MTAP: variants seen among roughly 807,000 people sequenced by gnomAD.
MTAP encodes methylthioadenosine phosphorylase.
A neutral mutation model predicts 33.6 loss-of-function variants in MTAP; 33 were observed. That is an observed-to-expected ratio of 0.98 (90% CI 0.74 to 1.31). The LOEUF is 1.31. Ranked by LOEUF, MTAP falls within the 40% of genes most tolerant of loss-of-function variation. The probability of loss-of-function intolerance (pLI) is 0.00; values close to 1 mark genes in which losing one functional copy is unlikely to be tolerated. For missense variants in MTAP, 367 were observed against 360.0 expected, an observed-to-expected ratio of 1.02 and a Z score of -0.16; for synonymous variants, 148 against 125.7, an observed-to-expected ratio of 1.18 and a Z score of -1.19.
intron 1 of MTAP, among the ~76,000 whole-genome samples, chr9:21,918,810 C>G (rs1389617255): frequency 6.6e-6 from 1 of 152,156 alleles, no homozygotes; most frequent in East Asian, 1.9e-4. Flanking sequence ...TCCTCTTTGC[C>G]TTCTGCCATG....
intron 5 of MTAP, among the ~76,000 whole-genome samples, chr9:21,841,147 G>GA (rs1011773921): frequency 6.6e-6 from 1 of 152,124 alleles, no homozygotes; most frequent in African/African-American, 2.4e-5. Context: ...GCCCCAACCT[G>GA]ATGGTATTTC....
At position 21,854,741 on chromosome 9, in the gene MTAP, C is replaced by T. The variant is rs10965163; in HGVS notation, c.561C>T (p.Arg187=). 0.08 allele frequency: 129,776 copies of T among 1,614,066 alleles called. 5,832 individuals are homozygous for T. Among genetic ancestry groups the T allele is most frequent in the Non-Finnish European group, 0.091 (107,430 of 1,179,950 alleles). Residue 187 remains arginine (R), a synonymous_variant, in exon 6 of 8, where the codon CGC becomes CGT. Coordinates refer to ENST00000644715, the MANE Select transcript of MTAP (RefSeq NM_002451.4). ...CCCGGGCAGAAAGCTTCATGTTCCGCACCTGGGGGGCGGATGTTATCAACA... is the reference window on the plus strand; with the variant it reads ...CCCGGGCAGAAAGCTTCATGTTCCGTACCTGGGGGGCGGATGTTATCAACA... The part of the protein sequence containing the change: ...FSSRAESFMF[R]TWGADVINMT...
chr9:21,917,170 C>G (rs1818705616), intron 1 of MTAP, among the ~76,000 whole-genome samples: 1 of 152,174 alleles, frequency 6.6e-6, no homozygotes, highest in Non-Finnish European at 1.5e-5. Flanking sequence ...AGGGGAAATA[C>G]AAAGAGTCCA....
chr9:21,827,276 C>T (rs1308518464), intron 4 of MTAP, among the ~76,000 whole-genome samples: 1 of 152,176 alleles, frequency 6.6e-6, no homozygotes, highest in African/African-American at 2.4e-5. Flanking sequence ...CCACCTCAGT[C>T]CATGCTGCTC....
downstream of MTAP, chr9:21,932,523 A>C (rs1212105369): frequency 6.6e-6 from 1 of 152,146 alleles, no homozygotes; most frequent in African/African-American, 2.4e-5. Context: ...TGTGTGTCTG[A>C]CTACCGATGG....
intron 5 of MTAP, among the ~76,000 whole-genome samples, chr9:21,845,508 A>G (rs1438603425): frequency 2.0e-5 from 3 of 152,210 alleles, no homozygotes; most frequent in African/African-American, 7.2e-5. Context: ...CACTGCTGAA[A>G]GAAATTATAG....
Position 21,863,265 on chromosome 9 carries a change from A to T in MTAP, c.*1251A>T, listed in dbSNP as rs1825788846. 3 of 983,152 alleles carry T rather than the reference A, an allele frequency of 3.1e-6. No individual in the cohort carries two copies. The highest frequency in any genetic ancestry group is 3.6e-6 in the Non-Finnish European group (3 of 828,008). The allele number at this position is 983,152 out of a possible 1,614,324, so 60.9% of individuals were successfully genotyped here. A position where few individuals can be genotyped will look rare whatever the true frequency, so the allele number is the denominator to read the frequency against. ...AGTTGGTAATTTTTGCTTTTTAATA[A>T]AGTGGAAGCTTGCTTTTTTAACTCT... On this transcript the variant is annotated 3_prime_UTR_variant, in exon 8 of 8. Coordinates refer to ENST00000644715, the MANE Select transcript of MTAP (RefSeq NM_002451.4).
chr9:21,860,953 A>G (rs1481183437), intron 7 of MTAP: 1 of 152,080 alleles, frequency 6.6e-6, no homozygotes, highest in African/African-American at 2.4e-5. Context: ...GATGACCAAC[A>G]TGGTTTCATC....
At chr9:21,854,589 A>C (rs777074889) in intron 5 of MTAP, 42 bp from the exon 6 acceptor site, 2 of 1,506,792 alleles carry the variant, frequency 1.3e-6, no homozygotes, top group Non-Finnish European at 1.8e-6. Flanking sequence ...TAAGTTGTGC[A>C]TGTGCTAGTA....
chr9:21,819,895 T>C (rs1824586981), intron 4 of MTAP, among the ~76,000 whole-genome samples: 1 of 152,250 alleles, frequency 6.6e-6, no homozygotes, highest in African/African-American at 2.4e-5. Flanking sequence ...TGGCCAGTGA[T>C]GATGAGCATT....
chr9:21,834,407 G>T (rs1825051072), intron 4 of MTAP, among the ~76,000 whole-genome samples: 2 of 152,204 alleles, frequency 1.3e-5, no homozygotes, highest in South Asian at 4.1e-4. Flanking sequence ...TAGCTAGAGG[G>T]CTTTAAAGGT....
intron 4 of MTAP, among the ~76,000 whole-genome samples, chr9:21,831,241 C>G (rs1275266471): frequency 1.3e-5 from 2 of 152,144 alleles, no homozygotes; most frequent in Non-Finnish European, 2.9e-5. Flanking sequence ...TACCATTAAT[C>G]CTGATGATTG....
In MTAP at chr9:21,859,385, T is replaced by G; in HGVS notation, c.773T>G (p.Ile258Arg). Residue 258 changes from isoleucine to arginine, a missense_variant, in exon 7 of 8, where the codon ATA becomes AGA. Transcript: ENST00000644715. ...TTACTGCTCACTACCATACCTCAGA[T>G]AGGGTCCACAGAATGGTCAGAAACC... ...KSLLLTTIPQ[I>R]GSTEWSETLH... 6.2e-7 allele frequency: 1 copy of G among 1,613,598 alleles called. No individual in the cohort carries two copies. The highest frequency in any genetic ancestry group is 1.3e-5 in the African/African-American group (1 of 75,038).
At chr9:21,869,439 T>A (rs1272802033), downstream of MTAP, among the ~76,000 whole-genome samples, 2 of 152,190 alleles carry the variant, frequency 1.3e-5, no homozygotes, top group African/African-American at 4.8e-5. Flanking sequence ...CTTGATTTTC[T>A]TCCTTCATTG....
chr9:21,923,034 T>G (rs1028064956), intron 1 of MTAP, among the ~76,000 whole-genome samples: 2 of 152,234 alleles, frequency 1.3e-5, no homozygotes, highest in Admixed American at 1.3e-4. Flanking sequence ...CACCACACTG[T>G]CTACCTCAGG....
At chr9:21,855,347 G>A (rs75296846) in intron 6 of MTAP, among the ~76,000 whole-genome samples, 2,475 of 152,334 alleles carry the variant, frequency 0.016, 48 homozygotes, top group East Asian at 0.053. Context: ...CATTCTGTCG[G>A]ATGGAGATAG....
rs1825764328 is a variant in MTAP at position 21,861,959 on chromosome 9, T to C, written c.814-17T>C. On this transcript the variant is annotated splice_polypyrimidine_tract_variant and intron_variant, in intron 7 of 7. Coordinates refer to ENST00000644715, the MANE Select transcript of MTAP (RefSeq NM_002451.4). The stretch of plus-strand genomic sequence containing the variant: ...ACGCCAACATGTGAATATCACTGCC[T>C]CCTTTCTTCCTTTCAGAATATGGCC... 7.2e-7 allele frequency: 1 copy of C among 1,382,742 alleles called. No homozygotes were observed. The allele number at this position is 1,382,742 out of a possible 1,614,324, so 85.7% of individuals were successfully genotyped here. A position where few individuals can be genotyped will look rare whatever the true frequency, so the allele number is the denominator to read the frequency against.
intron 1 of MTAP, among the ~76,000 whole-genome samples, chr9:21,907,451 G>A (rs1053096956): frequency 2.6e-5 from 4 of 152,210 alleles, no homozygotes; most frequent in African/African-American, 9.6e-5. Context: ...CAGCTACTCA[G>A]GAGGCTGAAG....
downstream of MTAP, chr9:21,933,961 T>C (rs935581698): frequency 2.0e-5 from 3 of 152,234 alleles, no homozygotes; most frequent in Non-Finnish European, 4.4e-5. Context: ...CAAGTTGATA[T>C]TGTTAAAAGA....
Sources: gnomAD v4.1 joint callset for allele counts (sites outside exome capture counted in the v4.1 genomes callset) on GRCh38, gnomAD v4.1.1 for gene constraint, MANE v1.5 for transcripts, NCBI Gene and HGNC (gene_info 2026-07-23, HGNC 2026-07-21) for gene names.